Variants in CHODL observed in about 807,000 individuals in gnomAD.
CHODL encodes the protein chondrolectin, also known as transmembrane protein MT75.
Under a neutral mutation model 34.5 loss-of-function variants are expected in CHODL, and 29 were observed. That is an observed-to-expected ratio of 0.84 (90% confidence interval 0.63 to 1.15). The LOEUF is 1.15. CHODL is among the 50% of genes most tolerant of loss of function. The pLI, the probability that CHODL is intolerant of heterozygous loss-of-function variation, is 0.00. For synonymous variants in CHODL, 125 were observed against 116.1 expected (o/e 1.08, Z -0.49); for missense variants, 332 against 332.5 (o/e 1.00, Z 0.01).
intron 2 of CHODL, among the ~76,000 whole-genome samples, chr21:18,186,335 A>G (rs1261860685): frequency 6.6e-6 from 1 of 152,100 alleles, no homozygotes; most frequent in African/African-American, 2.4e-5. Context: ...GACACGGCAT[A>G]GGACAAATTC....
intron 1 of CHODL, among the ~76,000 whole-genome samples, chr21:17,923,018 A>G (rs2063194610): frequency 6.6e-6 from 1 of 152,198 alleles, no homozygotes; most frequent in Admixed American, 6.5e-5. Context: ...GGGGACTTCC[A>G]GCTCATAGGT....
At chr21:18,015,955 A>T (rs746150833) in intron 1 of CHODL, among the ~76,000 whole-genome samples, 4 of 152,226 alleles carry the variant, frequency 2.6e-5, no homozygotes, top group Admixed American at 6.5e-5. Flanking sequence ...GAATGACCTG[A>T]AACTAGAACT....
chr21:18,012,748 A>G (rs2064030999), intron 1 of CHODL, among the ~76,000 whole-genome samples: 1 of 152,224 alleles, frequency 6.6e-6, no homozygotes, highest in African/African-American at 2.4e-5. Context: ...AAGAAGGATT[A>G]TGTTTCCCAG....
chr21:17,960,405 C>G (rs2063523229), intron 1 of CHODL, among the ~76,000 whole-genome samples: 1 of 152,182 alleles, frequency 6.6e-6, no homozygotes, highest in Admixed American at 6.5e-5. Flanking sequence ...GCCTAGCATG[C>G]AGTGTTGCTT....
chr21:18,211,083 C>A (rs1017241914), intron 2 of CHODL, among the ~76,000 whole-genome samples: 1 of 151,692 alleles, frequency 6.6e-6, no homozygotes, highest in African/African-American at 2.4e-5. Context: ...TGTTCATACA[C>A]CTGCCTCTTT....
At chr21:17,967,801 A>G (rs1046939315) in intron 1 of CHODL, among the ~76,000 whole-genome samples, 1 of 152,140 alleles carries the variant, frequency 6.6e-6, no homozygotes, top group Non-Finnish European at 1.5e-5. Flanking sequence ...CGATTAATCA[A>G]TCAACAGATT....
intron 1 of CHODL, among the ~76,000 whole-genome samples, chr21:18,011,673 C>G (rs900814062): frequency 6.6e-6 from 1 of 152,190 alleles, no homozygotes; most frequent in East Asian, 1.9e-4. Context: ...CTTAGCACTA[C>G]AGTTTTGCTA....
intron 2 of CHODL, among the ~76,000 whole-genome samples, chr21:18,035,273 T>C (rs2064296119): frequency 6.6e-6 from 1 of 152,014 alleles, no homozygotes; most frequent in East Asian, 1.9e-4. Context: ...TGAGTTTTCT[T>C]TCTTTCAGTA....
chr21:18,117,564 C>T (rs2065427679), intron 2 of CHODL, among the ~76,000 whole-genome samples: 1 of 151,452 alleles, frequency 6.6e-6, no homozygotes, highest in Admixed American at 6.6e-5. Flanking sequence ...AAATTACTCC[C>T]TTCACCCCTA....
At chr21:18,161,279 T>C (rs999533182) in intron 2 of CHODL, among the ~76,000 whole-genome samples, 1 of 152,216 alleles carries the variant, frequency 6.6e-6, no homozygotes, top group African/African-American at 2.4e-5. Flanking sequence ...GTGAACACTA[T>C]GATTAGCTTG....
At position 18,260,193 on chromosome 21, in the gene CHODL, T is replaced by G. The variant is rs2074363577; in HGVS notation, c.548-7T>G. ...TTATATATGATGGTGGTTCTTATTATTTACAGAGATTAATCCAACAGCCCC... is the reference window on the plus strand; with the variant it reads ...TTATATATGATGGTGGTTCTTATTAGTTACAGAGATTAATCCAACAGCCCC... On this transcript the variant is annotated splice_polypyrimidine_tract_variant and splice_region_variant and intron_variant, in intron 3 of 5. Coordinates refer to ENST00000299295, the MANE Select transcript of CHODL (RefSeq NM_024944.3). The G allele has an allele frequency of 2.7e-6, 4 of 1,467,924 alleles. No individual in the cohort carries two copies. The East Asian group carries it at 9.9e-5, about 36-fold the overall frequency. 90.9% of individuals were successfully genotyped at this position (1,467,924 alleles called of 1,614,324 possible).
intron 2 of CHODL, among the ~76,000 whole-genome samples, chr21:18,098,319 G>A (rs1255380096): frequency 6.6e-6 from 1 of 151,324 alleles, no homozygotes; most frequent in Non-Finnish European, 1.5e-5. Context: ...ATATGATAAG[G>A]AATTAATAAC....
intron 1 of CHODL, among the ~76,000 whole-genome samples, chr21:17,982,784 T>G (rs1335261777): frequency 7.0e-6 from 1 of 143,270 alleles, no homozygotes; most frequent in Non-Finnish European, 1.5e-5. Context: ...CTTGGCTCAC[T>G]GCAACCTCCG....
chr21:18,176,771 G>A (rs2073319612), intron 2 of CHODL, among the ~76,000 whole-genome samples: 1 of 152,132 alleles, frequency 6.6e-6, no homozygotes, highest in Non-Finnish European at 1.5e-5. Flanking sequence ...ATGGAGGAAT[G>A]TTATGATCAA....
intron 2 of CHODL, among the ~76,000 whole-genome samples, chr21:18,033,551 T>G (rs950701742): frequency 6.6e-6 from 1 of 152,100 alleles, no homozygotes; most frequent in Non-Finnish European, 1.5e-5. Context: ...GTGACAGTCC[T>G]GTGACCTCTG....
At chr21:18,197,646 A>T (rs139099589) in intron 2 of CHODL, among the ~76,000 whole-genome samples, 1 of 152,274 alleles carries the variant, frequency 6.6e-6, no homozygotes, top group East Asian at 1.9e-4. Context: ...ATTTATTGTA[A>T]CTCTTCAAGA....
At chr21:18,222,132 A>G (rs553263362) in intron 2 of CHODL, among the ~76,000 whole-genome samples, 5 of 152,146 alleles carry the variant, frequency 3.3e-5, no homozygotes, top group Non-Finnish European at 7.3e-5. Context: ...TTTTGGTGGT[A>G]GTGGCCTCAG....
intron 1 of CHODL, among the ~76,000 whole-genome samples, chr21:17,950,580 G>C (rs1259836507): frequency 1.3e-5 from 2 of 150,064 alleles, no homozygotes; most frequent in East Asian, 3.9e-4. Flanking sequence ...GTACAATAAA[G>C]GAGTCTATAG....
chr21:18,255,654 A>G (rs2074306704), intron 1 of CHODL, among the ~76,000 whole-genome samples: 1 of 152,114 alleles, frequency 6.6e-6, no homozygotes, highest in Non-Finnish European at 1.5e-5. Flanking sequence ...TGATATATTC[A>G]TTCCACTGTT....
Sources: allele counts gnomAD v4.1 joint callset (sites outside exome capture counted in the v4.1 genomes callset), GRCh38; gene constraint gnomAD v4.1.1; transcripts MANE v1.5; gene names NCBI Gene and HGNC (gene_info 2026-07-23, HGNC 2026-07-21).